CCNY: variants seen among roughly 807,000 people sequenced by gnomAD.
CCNY encodes cyclin Y, also known as cyclin-Y.
A neutral mutation model predicts 42.8 loss-of-function variants in CCNY; 19 were observed. The observed-to-expected ratio is 0.44, with a 90% CI of 0.31 to 0.65. CCNY has a LOEUF of 0.65. Ranked by LOEUF, CCNY falls within the 30% of genes least tolerant of loss-of-function variation. The pLI, the probability that CCNY is intolerant of heterozygous loss-of-function variation, is 0.07. For synonymous variants in CCNY, 165 were observed against 162.7 expected (o/e 1.01, Z -0.11); for missense variants, 370 against 437.3 (o/e 0.85, Z 1.37).
At chr10:35,449,736 A>G in intron 1 of CCNY, 1 of 985,220 alleles carries the variant, frequency 1.0e-6, no homozygotes, top group Non-Finnish European at 1.2e-6. Flanking sequence ...GGGAGCAGAG[A>G]TGGCAGGGTG....
intron 7 of CCNY, among the ~76,000 whole-genome samples, chr10:35,545,050 A>G (rs1158985489): frequency 1.3e-5 from 2 of 152,216 alleles, no homozygotes; most frequent in Non-Finnish European, 2.9e-5. Flanking sequence ...GTAACATTTG[A>G]AAATCACAAC....
chr10:35,247,793 G>C (rs567684107), intron 1 of CCNY, among the ~76,000 whole-genome samples: 1 of 144,968 alleles, frequency 6.9e-6, no homozygotes, highest in African/African-American at 2.6e-5. Context: ...AGAGAATGGC[G>C]TAAACCCAGG....
At chr10:35,298,943 T>C (rs1037795156) in intron 3 of CCNY, among the ~76,000 whole-genome samples, 1 of 152,194 alleles carries the variant, frequency 6.6e-6, no homozygotes, top group African/African-American at 2.4e-5. Flanking sequence ...TATGTGTATG[T>C]TTTGTATGAG....
At chr10:35,478,331 G>T (rs1436846150) in intron 1 of CCNY, among the ~76,000 whole-genome samples, 1 of 151,928 alleles carries the variant, frequency 6.6e-6, no homozygotes, top group Non-Finnish European at 1.5e-5. Context: ...GCATCACCAA[G>T]TCAATCCTAA....
chr10:35,400,969 A>G (rs1351583577), intron 1 of CCNY, among the ~76,000 whole-genome samples: 1 of 152,230 alleles, frequency 6.6e-6, no homozygotes, highest in African/African-American at 2.4e-5. Context: ...GGTAGAGAAG[A>G]GAAGAGACTT....
At chr10:35,347,106 C>T (rs1352145640) in intron 1 of CCNY, among the ~76,000 whole-genome samples, 4 of 152,212 alleles carry the variant, frequency 2.6e-5, no homozygotes, top group East Asian at 1.9e-4. Context: ...TTAAAAAGTA[C>T]TTCACTGCAG....
chr10:35,427,801 TC>T (rs1410563250), intron 1 of CCNY, among the ~76,000 whole-genome samples: 2 of 152,114 alleles, frequency 1.3e-5, no homozygotes, highest in Non-Finnish European at 2.9e-5. Context: ...AGTTAAACCT[TC>T]CCTGCAGGAA....
At chr10:35,366,487 GA>G (rs2135165549) in intron 1 of CCNY, among the ~76,000 whole-genome samples, 1 of 152,302 alleles carries the variant, frequency 6.6e-6, no homozygotes, top group African/African-American at 2.4e-5. Flanking sequence ...AACTTTAAAG[GA>G]TATTACTTGT....
intron 7 of CCNY, among the ~76,000 whole-genome samples, chr10:35,535,651 G>A (rs1312162581): frequency 6.6e-6 from 1 of 152,178 alleles, no homozygotes; most frequent in East Asian, 1.9e-4. Context: ...TTAGGCCTGT[G>A]ATGGTTGCAT....
At chr10:35,418,680 G>A (rs771841524) in intron 1 of CCNY, among the ~76,000 whole-genome samples, 3 of 152,034 alleles carry the variant, frequency 2.0e-5, no homozygotes, top group Non-Finnish European at 4.4e-5. Flanking sequence ...GAGGTAGAGC[G>A]AGCACAGCCT....
chr10:35,288,092 C>T (rs1249755293), intron 3 of CCNY, among the ~76,000 whole-genome samples: 2 of 152,102 alleles, frequency 1.3e-5, no homozygotes, highest in Admixed American at 1.3e-4. Context: ...TATAAAGGTT[C>T]CACTTGCTCC....
At chr10:35,371,244 A>G (rs1836929266) in intron 1 of CCNY, among the ~76,000 whole-genome samples, 1 of 152,078 alleles carries the variant, frequency 6.6e-6, no homozygotes, top group Non-Finnish European at 1.5e-5. Context: ...GACGGATGAG[A>G]GGTGACCTGG....
intron 1 of CCNY, among the ~76,000 whole-genome samples, chr10:35,392,699 G>A (rs1374787583): frequency 1.3e-5 from 2 of 152,206 alleles, no homozygotes; most frequent in African/African-American, 2.4e-5. Flanking sequence ...TGCCAGGCCA[G>A]TCCTCAGAGC....
intron 1 of CCNY, chr10:35,455,270 G>A (rs1209268934): frequency 6.6e-6 from 1 of 152,144 alleles, no homozygotes; most frequent in African/African-American, 2.4e-5. Flanking sequence ...AAAAAATGCT[G>A]CCTTTAAAAT....
At chr10:35,426,164 T>A (rs1415038171) in intron 1 of CCNY, among the ~76,000 whole-genome samples, 1 of 141,732 alleles carries the variant, frequency 7.1e-6, no homozygotes, top group South Asian at 2.3e-4. Context: ...CACACAGATG[T>A]GCGTGTGCTC....
intron 1 of CCNY, among the ~76,000 whole-genome samples, chr10:35,347,159 A>G (rs918170198): frequency 6.6e-6 from 1 of 152,224 alleles, no homozygotes; most frequent in Non-Finnish European, 1.5e-5. Flanking sequence ...GGCTTCAGAC[A>G]CATTGTCCCG....
At chr10:35,477,443 TC>T (rs1336958973) in intron 1 of CCNY, among the ~76,000 whole-genome samples, 1 of 149,436 alleles carries the variant, frequency 6.7e-6, no homozygotes, top group African/African-American at 2.5e-5. Flanking sequence ...TCCACCATGA[TC>T]AAGTGGGCTT....
chr10:35,403,943 A>C (rs1051699592), intron 1 of CCNY, among the ~76,000 whole-genome samples: 1 of 152,232 alleles, frequency 6.6e-6, no homozygotes, highest in South Asian at 2.1e-4. Context: ...AATGGAGTGA[A>C]TGTCAGGTGG....
chr10:35,498,045 G>A lies in CCNY; in HGVS notation c.230-3456G>A, dbSNP rs145398884. Reference sequence around the variant, plus strand: ...AACTTATTACAGTGCAAGCACATGAGGCAAACTCAGTACAGGGAAGAGGTG... The same window carrying A: ...AACTTATTACAGTGCAAGCACATGAAGCAAACTCAGTACAGGGAAGAGGTG... On this transcript the variant is annotated intron_variant, in intron 2 of 9. Coordinates refer to ENST00000374704, the MANE Select transcript of CCNY (RefSeq NM_145012.6). Among the ~76,000 whole-genome samples the A allele has an allele frequency of 1.3e-3, 193 of 152,234 alleles. 1 individual carries two copies. The East Asian group carries it at 0.031, about 24-fold the overall frequency.
Sources: allele counts gnomAD v4.1 joint callset (sites outside exome capture counted in the v4.1 genomes callset), GRCh38; gene constraint gnomAD v4.1.1; transcripts MANE v1.5; gene names NCBI Gene and HGNC (gene_info 2026-07-23, HGNC 2026-07-21).